Variants in GHR observed in about 807,000 individuals in gnomAD.
GHR encodes growth hormone receptor.
A neutral mutation model predicts 67.1 loss-of-function variants in GHR; 35 were observed. The observed-to-expected ratio is 0.52, with a 90% CI of 0.40 to 0.69. The LOEUF (loss-of-function observed/expected upper bound fraction) is 0.69, where lower values mean the gene tolerates loss of function less well. Among genes scored for constraint, GHR ranks in the 30% least tolerant of loss-of-function variants. The pLI is 0.00. For synonymous variants in GHR, 272 were observed against 269.1 expected, an observed-to-expected ratio of 1.01 and a Z score of -0.10; for missense variants, 792 against 764.6, an observed-to-expected ratio of 1.04 and a Z score of -0.42.
chr5:42,628,590 A>C lies in GHR; in HGVS notation c.71-448A>C, dbSNP rs771020899. Among the ~76,000 whole-genome samples the C allele has an allele frequency of 7.6e-5, 10 of 132,098 alleles. 3 individuals are homozygous for C. Among genetic ancestry groups the C allele is most frequent in the Non-Finnish European group, 1.6e-4 (10 of 62,440 alleles). 86.7% of individuals were successfully genotyped at this position (132,098 alleles called of 152,430 possible). On this transcript the variant is annotated intron_variant, in intron 2 of 9. Transcript: ENST00000230882. ...TTGGTTCAGAGATTCTTTAATCTGC[A>C]GTTGGTTAAAGGAACAAAACTGTAC... is the stretch of plus-strand genomic sequence containing the variant.
intron 2 of GHR, among the ~76,000 whole-genome samples, chr5:42,584,217 G>A (rs1751352804): frequency 6.6e-6 from 1 of 152,020 alleles, no homozygotes; most frequent in Admixed American, 6.6e-5. Flanking sequence ...TAACTTGCAT[G>A]GTAAATGTTA....
intron 1 of GHR, among the ~76,000 whole-genome samples, chr5:42,498,374 G>T (rs1746406133): frequency 2.0e-5 from 3 of 152,154 alleles, no homozygotes; most frequent in African/African-American, 7.2e-5. Context: ...TGATTTATTT[G>T]TTGACTGGAT....
At chr5:42,641,649 C>T (rs1341857572) in intron 3 of GHR, among the ~76,000 whole-genome samples, 1 of 152,154 alleles carries the variant, frequency 6.6e-6, no homozygotes, top group African/African-American at 2.4e-5. Flanking sequence ...TACATTCTAC[C>T]CCACCTACTT....
At chr5:42,465,460 A>G in intron 1 of GHR, 1 of 1,582,116 alleles carries the variant, frequency 6.3e-7, no homozygotes, top group Non-Finnish European at 8.7e-7. Flanking sequence ...TCTCTTTTGG[A>G]CCCTCCTCTT....
chr5:42,616,014 C>G lies in GHR; in HGVS notation c.71-13024C>G, dbSNP rs181791211. The stretch of plus-strand genomic sequence containing the variant: ...TTATGCTGCTTGCTTACAACATACA[C>G]TTGGGTCACGTTTTTCTGTTAGGAA... On this transcript the variant is annotated intron_variant, in intron 2 of 9. Transcript: ENST00000230882. 1.3e-4 allele frequency among the ~76,000 whole-genome samples: 20 copies of G among 151,914 alleles called. No homozygotes were observed. In the East Asian group the frequency reaches 3.7e-3, roughly 28 times the overall value.
intron 2 of GHR, among the ~76,000 whole-genome samples, chr5:42,609,089 G>T (rs187478285): frequency 6.0e-4 from 91 of 152,260 alleles, no homozygotes; most frequent in Non-Finnish European, 9.3e-4. Flanking sequence ...TACAAGAGGG[G>T]TGATAGAATT....
chr5:42,645,276 C>T lies in GHR; in HGVS notation c.136+16173C>T, dbSNP rs545705320. Among the ~76,000 whole-genome samples the T allele has an allele frequency of 7.9e-5, 12 of 152,244 alleles. 1 individual carries two copies. The South Asian group carries it at 1.5e-3, about 18-fold the overall frequency. The stretch of plus-strand genomic sequence containing the variant: ...ATCTCATTGCTTCTGTTATCTGGCA[C>T]GATGGTATTTGTTTGTGCACAGCTC... On this transcript the variant is annotated intron_variant, in intron 3 of 9. Transcript: ENST00000230882.
intron 1 of GHR, among the ~76,000 whole-genome samples, chr5:42,519,644 TA>T (rs1349946070): frequency 2.0e-5 from 3 of 152,162 alleles, no homozygotes; most frequent in South Asian, 2.1e-4. Flanking sequence ...ATCTGATTTC[TA>T]AAAAAATGTC....
chr5:42,465,543 C>A (rs770952652), intron 1 of GHR: 16 of 1,497,366 alleles, frequency 1.1e-5, no homozygotes, highest in African/African-American at 2.8e-5. Context: ...TCAGGTGTTT[C>A]CTCAGTCACA....
At chr5:42,471,662 A>T (rs1040859884) in intron 1 of GHR, among the ~76,000 whole-genome samples, 4 of 152,160 alleles carry the variant, frequency 2.6e-5, no homozygotes, top group Non-Finnish European at 4.4e-5. Context: ...GGATTAAATG[A>T]TTTTATATTT....
At chr5:42,483,481 T>C (rs2112163924) in intron 1 of GHR, among the ~76,000 whole-genome samples, 1 of 151,704 alleles carries the variant, frequency 6.6e-6, no homozygotes, top group East Asian at 1.9e-4. Flanking sequence ...AGATGTATTT[T>C]ATTTGGACAT....
intron 3 of GHR, among the ~76,000 whole-genome samples, chr5:42,644,861 T>C (rs946262781): frequency 4.6e-5 from 7 of 152,170 alleles, no homozygotes; most frequent in African/African-American, 1.4e-4. Context: ...AAAAATAGAA[T>C]AATCCCTCAT....
chr5:42,696,959 T>C (rs1757702324), intron 5 of GHR, among the ~76,000 whole-genome samples: 1 of 152,192 alleles, frequency 6.6e-6, no homozygotes, highest in Non-Finnish European at 1.5e-5. Flanking sequence ...TCTTTATTAA[T>C]GCTCAGAGAA....
At chr5:42,526,543 T>C (rs1241886756) in intron 1 of GHR, among the ~76,000 whole-genome samples, 1 of 152,230 alleles carries the variant, frequency 6.6e-6, no homozygotes, top group East Asian at 1.9e-4. Context: ...ATTGGAAGAA[T>C]ACGTCAATAG....
intron 2 of GHR, among the ~76,000 whole-genome samples, chr5:42,609,220 A>G (rs1561164762): frequency 6.6e-6 from 1 of 152,168 alleles, no homozygotes; most frequent in Non-Finnish European, 1.5e-5. Context: ...GAGAGGAGCA[A>G]TATTACTAGT....
intron 6 of GHR, among the ~76,000 whole-genome samples, chr5:42,707,225 C>G (rs528708452): frequency 5.9e-5 from 9 of 152,048 alleles, no homozygotes; most frequent in Admixed American, 5.2e-4. Context: ...TACCGCCCCC[C>G]CAAACACATT....
At chr5:42,686,276 C>G (rs71627549) in intron 3 of GHR, among the ~76,000 whole-genome samples, 2 of 152,100 alleles carry the variant, frequency 1.3e-5, no homozygotes, top group Non-Finnish European at 2.9e-5. Context: ...ATTTCTGAGG[C>G]CTCTGTTCTG....
intron 3 of GHR, among the ~76,000 whole-genome samples, chr5:42,658,384 C>G (rs910333759): frequency 1.5e-4 from 23 of 152,274 alleles, no homozygotes; most frequent in East Asian, 1.9e-4. Flanking sequence ...AAGTTTCCTT[C>G]TCTGTAAAAT....
intron 3 of GHR, among the ~76,000 whole-genome samples, chr5:42,665,338 G>C (rs1310788693): frequency 1.3e-5 from 2 of 152,142 alleles, no homozygotes; most frequent in African/African-American, 4.8e-5. Context: ...CAAAGACTTG[G>C]AACCAACCCG....
Sources: gnomAD v4.1 joint callset for allele counts (sites outside exome capture counted in the v4.1 genomes callset) on GRCh38, gnomAD v4.1.1 for gene constraint, MANE v1.5 for transcripts, NCBI Gene and HGNC (gene_info 2026-07-23, HGNC 2026-07-21) for gene names.